The following SCFD1 variants were observed in gnomAD, a reference collection of about 807,000 sequenced individuals.
SCFD1 encodes sec1 family domain-containing protein 1.
Under a neutral mutation model 103.2 loss-of-function variants are expected in SCFD1, and 37 were observed. The observed-to-expected ratio is 0.36, with a 90% CI of 0.28 to 0.47. The LOEUF (loss-of-function observed/expected upper bound fraction) is 0.47, where lower values mean the gene tolerates loss of function less well. Ranked by LOEUF, SCFD1 falls within the 20% of genes least tolerant of loss-of-function variation. The pLI is 1.00. For missense variants in SCFD1, 639 were observed against 761.2 expected (o/e 0.84, Z 1.89); for synonymous variants, 264 against 245.0 (o/e 1.08, Z -0.73).
rs1170068621 is a variant in SCFD1 at position 30,676,096 on chromosome 14, G to T, written c.1242+1031G>T. 5 of 152,220 alleles carry T rather than the reference G, an allele frequency of 3.3e-5. No homozygotes were observed. The East Asian group carries it at 9.6e-4, about 29-fold the overall frequency. 9.4% of individuals were successfully genotyped at this position (152,220 alleles called of 1,614,324 possible). On this transcript the variant is annotated intron_variant, in intron 14 of 24. Coordinates refer to ENST00000458591, the MANE Select transcript of SCFD1 (RefSeq NM_016106.4). ...AAAGGCTGTTCAGATCTGTTTACCT[G>T]AGGTCATTGTCTCTTGTGGAGGTGA...
At chr14:30,652,115 C>G (rs1886448599) in intron 9 of SCFD1, among the ~76,000 whole-genome samples, 1 of 152,154 alleles carries the variant, frequency 6.6e-6, no homozygotes, top group Non-Finnish European at 1.5e-5. Context: ...CTTTTTATCC[C>G]CGAGTCAATG....
chr14:30,673,981 C>T lies in SCFD1; in HGVS notation c.1144C>T (p.Leu382=), dbSNP rs2139220391. The change falls in exon 13 of 25, where the codon CTA becomes TTA. Residue 382 remains leucine, a synonymous_variant. Transcript: ENST00000458591. ...ISMLSDNTAK[L]TSAVSSLPEL... ...TATGCTTTCTGACAATACCGCTAAGCTAACATCAGCTGTTAGGTAAGTGAG... is the reference window on the plus strand; with the variant it reads ...TATGCTTTCTGACAATACCGCTAAGTTAACATCAGCTGTTAGGTAAGTGAG... 1.2e-6 allele frequency: 2 copies of T among 1,612,880 alleles called. No homozygotes were observed. The highest frequency in any genetic ancestry group is 1.7e-6 in the Non-Finnish European group (2 of 1,179,066).
At chr14:30,622,494 G>A (rs1380324094) in intron 1 of SCFD1, 95 bp downstream of exon 1, 16 of 1,494,330 alleles carry the variant, frequency 1.1e-5, no homozygotes, top group Middle Eastern at 1.7e-4. Context: ...ATCTCCAGGA[G>A]TTTAATCCAG....
At chr14:30,717,165 T>A (rs985327326) in intron 20 of SCFD1, among the ~76,000 whole-genome samples, 2 of 152,136 alleles carry the variant, frequency 1.3e-5, no homozygotes, top group Non-Finnish European at 2.9e-5. Context: ...AGGTGCCAAA[T>A]ACACAGGGGG....
At chr14:30,641,420 T>G (rs1476893706) in intron 6 of SCFD1, among the ~76,000 whole-genome samples, 2 of 152,142 alleles carry the variant, frequency 1.3e-5, no homozygotes, top group African/African-American at 4.8e-5. Flanking sequence ...TTAGGGTTAC[T>G]TTTCATTGAG....
At chr14:30,635,055 C>G in intron 4 of SCFD1, 1 of 424,402 alleles carries the variant, frequency 2.4e-6, no homozygotes. Flanking sequence ...GTGTCTTCCA[C>G]AAGTCACAAC....
chr14:30,638,002 C>G (rs1237211857), intron 4 of SCFD1, 123 bp from the exon 5 acceptor site: 36 of 1,260,098 alleles, frequency 2.9e-5, no homozygotes, highest in Non-Finnish European at 3.5e-5. Flanking sequence ...TCTTGGGATA[C>G]TTTTTTTGAT....
chr14:30,709,135 G>A (rs1370995007), intron 19 of SCFD1, among the ~76,000 whole-genome samples: 2 of 151,924 alleles, frequency 1.3e-5, no homozygotes, highest in Non-Finnish European at 2.9e-5. Flanking sequence ...GGTTTTAAAG[G>A]CCAAATCAAA....
intron 14 of SCFD1, chr14:30,675,360 G>A: frequency 4.9e-6 from 1 of 204,036 alleles, no homozygotes; most frequent in Non-Finnish European, 9.7e-6. Context: ...ATTAATAGTA[G>A]ACTTGTATCT....
At chr14:30,676,140 T>C (rs1408329406) in intron 14 of SCFD1, 1 of 152,200 alleles carries the variant, frequency 6.6e-6, no homozygotes, top group African/African-American at 2.4e-5. Flanking sequence ...CAGATATAGA[T>C]GTATAGATAT....
intron 10 of SCFD1, among the ~76,000 whole-genome samples, chr14:30,669,526 TGGTTTTG>T (rs1423804109): frequency 1.3e-5 from 2 of 151,704 alleles, no homozygotes; most frequent in Non-Finnish European, 1.5e-5. Context: ...TGGTTTGGTT[TGGTTTTG>T]GGTTTTGGGG....
At chr14:30,731,836 A>C (rs970648727) in intron 23 of SCFD1, among the ~76,000 whole-genome samples, 7 of 152,120 alleles carry the variant, frequency 4.6e-5, no homozygotes, top group Admixed American at 1.3e-4. Context: ...CTAATTGAAT[A>C]CCCTGTATTT....
chr14:30,721,237 C>T (rs1377079486), intron 21 of SCFD1, among the ~76,000 whole-genome samples: 2 of 152,092 alleles, frequency 1.3e-5, no homozygotes, highest in East Asian at 1.9e-4. Flanking sequence ...CCTCTTTTCT[C>T]AGTTGATATT....
At chr14:30,680,005 G>GT (rs967991699) in intron 14 of SCFD1, among the ~76,000 whole-genome samples, 3 of 151,996 alleles carry the variant, frequency 2.0e-5, no homozygotes, top group Non-Finnish European at 4.4e-5. Context: ...GCTTTGTTTT[G>GT]TTTTTTATTG....
intron 14 of SCFD1, among the ~76,000 whole-genome samples, chr14:30,694,305 A>G (rs1890532240): frequency 6.6e-6 from 1 of 152,240 alleles, no homozygotes; most frequent in Admixed American, 6.5e-5. Context: ...TCCATCAAAT[A>G]TGGTAAACAA....
Position 30,675,039 on chromosome 14 carries a change from G to T in SCFD1, c.1216G>T (p.Ala406Ser). Reference protein sequence around the residue: ...KRLIDLHTNVATAVLEHIKAR... With the variant: ...KRLIDLHTNVSTAVLEHIKAR... ...ACTTATTGATCTCCATACAAATGTT[G>T]CCACTGCTGTTTTAGAACATATAAA... Residue 406 changes from alanine to serine, a missense_variant, in exon 14 of 25, where the codon GCC (alanine) becomes TCC (serine). Coordinates refer to ENST00000458591, the MANE Select transcript of SCFD1 (RefSeq NM_016106.4). The T allele has an allele frequency of 1.3e-6, 2 of 1,587,186 alleles. No homozygotes were observed. The highest frequency in any genetic ancestry group is 1.7e-6 in the Non-Finnish European group (2 of 1,167,848).
At chr14:30,731,253 G>A (rs1893440393) in intron 23 of SCFD1, among the ~76,000 whole-genome samples, 1 of 152,164 alleles carries the variant, frequency 6.6e-6, no homozygotes, top group South Asian at 2.1e-4. Context: ...GGTTACTGTA[G>A]CCTTGTAGTA....
chr14:30,674,160 C>T (rs1187669453), intron 13 of SCFD1, among the ~76,000 whole-genome samples, 163 bp downstream of exon 13: 2 of 151,926 alleles, frequency 1.3e-5, no homozygotes, highest in Non-Finnish European at 2.9e-5. Context: ...AATGTTTAAG[C>T]CGATTTTAGT....
In SCFD1 at chr14:30,721,155, G is replaced by A. The variant is rs569293860; in HGVS notation, c.1737-729G>A. ...CTTCTTCTGTGGAATATTCAGACAG[G>A]CCATAGAAATGAGGAAAAGATGATA... On this transcript the variant is annotated intron_variant, in intron 21 of 24. Coordinates refer to ENST00000458591, the MANE Select transcript of SCFD1 (RefSeq NM_016106.4). Among the ~76,000 whole-genome samples the A allele has an allele frequency of 5.9e-5, 9 of 152,166 alleles. No homozygotes were observed. In the East Asian group the frequency reaches 1.3e-3, roughly 23 times the overall value.
Sources: gnomAD v4.1 joint callset for allele counts (sites outside exome capture counted in the v4.1 genomes callset) on GRCh38, gnomAD v4.1.1 for gene constraint, MANE v1.5 for transcripts, NCBI Gene and HGNC (gene_info 2026-07-23, HGNC 2026-07-21) for gene names.